Variants in SLC13A1 observed in about 807,000 individuals in gnomAD.
The protein encoded by SLC13A1 is Na(+)/sulfate cotransporter.
Under a neutral mutation model 70.0 loss-of-function variants are expected in SLC13A1, and 65 were observed. The observed-to-expected ratio is 0.93, with a 90% CI of 0.76 to 1.14. The LOEUF is 1.14. Among genes scored for constraint, SLC13A1 ranks in the 50% most tolerant of loss-of-function variants. The probability of loss-of-function intolerance (pLI) is 0.00; values close to 1 mark genes in which losing one functional copy is unlikely to be tolerated. For missense variants in SLC13A1, 726 were observed against 717.8 expected, an observed-to-expected ratio of 1.01 and a Z score of -0.13; for synonymous variants, 275 against 250.5, an observed-to-expected ratio of 1.10 and a Z score of -0.92.
intron 7 of SLC13A1, among the ~76,000 whole-genome samples, chr7:123,137,564 C>T (rs973258049): frequency 2.0e-5 from 3 of 152,098 alleles, no homozygotes; most frequent in African/African-American, 7.2e-5. Flanking sequence ...AGAGTGACCC[C>T]ATGCCAACAG....
chr7:123,115,560 G>C lies in SLC13A1; in HGVS notation c.1746C>G (p.Tyr582Ter), dbSNP rs767006611. 2.0e-5 allele frequency: 32 copies of C among 1,613,738 alleles called. No individual in the cohort carries two copies. In the East Asian group the frequency reaches 5.4e-4, roughly 27 times the overall value. The part of the protein sequence containing the change: ...WIVPMFDLYT[Y>*]PSWAPAMSNE... The stretch of plus-strand genomic sequence containing the variant: ...TACTCATAGCAGGAGCCCACGAAGG[G>C]TAAGTGTAGAGGTCAAACATGGGTA... The change falls in exon 15 of 15, where the codon TAC becomes TAG. Residue 582 changes from tyrosine (Y) to a stop codon, truncating the protein, a stop_gained. Coordinates refer to ENST00000194130, the MANE Select transcript of SLC13A1 (RefSeq NM_022444.4). LOFTEE classifies it high-confidence loss of function.
chr7:123,138,236 T>A (rs1794016123), intron 7 of SLC13A1, among the ~76,000 whole-genome samples: 1 of 152,224 alleles, frequency 6.6e-6, no homozygotes, highest in Non-Finnish European at 1.5e-5. Flanking sequence ...TTGTTGCAAA[T>A]GACAGGATCT....
At chr7:123,182,975 T>C (rs1184164742) in intron 1 of SLC13A1, among the ~76,000 whole-genome samples, 1 of 152,124 alleles carries the variant, frequency 6.6e-6, no homozygotes, top group Non-Finnish European at 1.5e-5. Context: ...ACATCAATTT[T>C]CTATATCCAA....
chr7:123,170,463 G>A (rs529967764), intron 3 of SLC13A1, among the ~76,000 whole-genome samples: 3 of 152,256 alleles, frequency 2.0e-5, no homozygotes, highest in African/African-American at 4.8e-5. Flanking sequence ...GCCACTTAGT[G>A]GCATAATGGA....
intron 7 of SLC13A1, among the ~76,000 whole-genome samples, chr7:123,141,174 T>A (rs1794125247): frequency 6.6e-6 from 1 of 152,148 alleles, no homozygotes; most frequent in Non-Finnish European, 1.5e-5. Context: ...GACCCAGTGG[T>A]CATTCAGGAG....
intron 12 of SLC13A1, 85 bp downstream of exon 12, chr7:123,123,041 G>T (rs1329912423): frequency 2.8e-6 from 3 of 1,086,272 alleles, no homozygotes; most frequent in Non-Finnish European, 4.2e-6. Context: ...GAGTGAAATT[G>T]AATATGCCCA....
Position 123,134,498 on chromosome 7 carries a change from C to G in SLC13A1, c.844G>C (p.Gly282Arg). The G allele has an allele frequency of 6.2e-7, 1 of 1,613,186 alleles. No individual in the cohort carries two copies. The highest frequency in any genetic ancestry group is 1.7e-4 in the Middle Eastern group (1 of 6,058). ...RYPDCRCLNF[G>R]SWFTFSFPAA... ...GGGAAGGAAAACGTAAACCATGATC[C>G]AAAGTTGAGGCAACGACAGTCAGGA... Residue 282 changes from glycine (G) to arginine (R), a missense_variant, in exon 8 of 15, where the codon GGA (glycine) becomes CGA (arginine). By Grantham distance (125) the Gly-to-Arg change is moderately radical. Transcript: ENST00000194130.
At chr7:123,118,678 A>G (rs1279583940) in intron 13 of SLC13A1, among the ~76,000 whole-genome samples, 1 of 152,142 alleles carries the variant, frequency 6.6e-6, no homozygotes, top group Non-Finnish European at 1.5e-5. Context: ...CAAATCACTT[A>G]TATGAACCAC....
At chr7:123,156,958 C>A (rs997392399) in intron 6 of SLC13A1, among the ~76,000 whole-genome samples, 3 of 152,064 alleles carry the variant, frequency 2.0e-5, no homozygotes, top group Non-Finnish European at 4.4e-5. Flanking sequence ...AAATCAATTT[C>A]TATGCTCTCT....
chr7:123,116,331 T>C (rs1025888501), intron 14 of SLC13A1, among the ~76,000 whole-genome samples: 2 of 152,232 alleles, frequency 1.3e-5, no homozygotes, highest in Admixed American at 1.3e-4. Context: ...TAAAGTTTTA[T>C]TGGACCACAA....
intron 1 of SLC13A1, among the ~76,000 whole-genome samples, chr7:123,196,924 A>G (rs1376000059): frequency 2.0e-5 from 3 of 152,184 alleles, no homozygotes; most frequent in African/African-American, 7.2e-5. Context: ...TTTCTAGAGC[A>G]TGTAGATGGC....
intron 2 of SLC13A1, 93 bp downstream of exon 2, chr7:123,180,880 C>T (rs556637352): frequency 2.1e-5 from 28 of 1,365,776 alleles, no homozygotes; most frequent in South Asian, 1.8e-4. Context: ...ACCTTACCAA[C>T]GAGATGATTG....
rs1793883305 is a variant in SLC13A1, at chr7:123,134,486, T to TA, written c.855dup (p.Thr286TyrfsTer28). ...ATAAGGGCAGCTGGGAAGGAAAACG[T>TA]AAACCATGATCCAAAGTTGAGGCAA... On this transcript the variant is annotated frameshift_variant, in exon 8 of 15. Transcript: ENST00000194130. LOFTEE classifies it high-confidence loss of function. 4 of 1,613,292 alleles carry TA rather than the reference T, an allele frequency of 2.5e-6. No individual in the cohort carries two copies. Among genetic ancestry groups the TA allele is most frequent in the Non-Finnish European group, 3.4e-6 (4 of 1,179,568 alleles).
At chr7:123,181,986 A>T (rs901015188) in intron 1 of SLC13A1, among the ~76,000 whole-genome samples, 2 of 152,128 alleles carry the variant, frequency 1.3e-5, no homozygotes, top group Admixed American at 6.6e-5. Context: ...CCTCAGGGTG[A>T]GTCCTTGGGG....
chr7:123,147,073 T>C (rs564972447), intron 7 of SLC13A1, 86 bp downstream of exon 7: 191 of 1,363,876 alleles, frequency 1.4e-4, no homozygotes, highest in Non-Finnish European at 1.8e-4. Context: ...ATCTCTGTAC[T>C]TGAATTCTCT....
intron 14 of SLC13A1, 107 bp downstream of exon 14, chr7:123,117,364 C>T: frequency 8.8e-7 from 1 of 1,139,198 alleles, no homozygotes; most frequent in Non-Finnish European, 1.3e-6. Context: ...AATTCAGGCC[C>T]TGCTTTTCCT....
In SLC13A1 at chr7:123,115,554, C is replaced by T. The variant is rs150844958; in HGVS notation, c.1752G>A (p.Ser584=). The T allele has an allele frequency of 1.2e-4, 194 of 1,613,132 alleles. No homozygotes were observed. The highest frequency in any genetic ancestry group is 3.8e-4 in the South Asian group (35 of 90,990). ...TCTCATTACTCATAGCAGGAGCCCA[C>T]GAAGGGTAAGTGTAGAGGTCAAACA... ...VPMFDLYTYP[S]WAPAMSNETM... Residue 584 remains serine, a synonymous_variant, in exon 15 of 15, where the codon TCG becomes TCA. Transcript: ENST00000194130.
At chr7:123,141,502 T>C (rs1794141855) in intron 7 of SLC13A1, among the ~76,000 whole-genome samples, 2 of 152,102 alleles carry the variant, frequency 1.3e-5, no homozygotes. Context: ...ATGCTGAAGG[T>C]GGGGTGTTGA....
At chr7:123,179,102 GA>G (rs2116605192) in intron 2 of SLC13A1, among the ~76,000 whole-genome samples, 1 of 152,146 alleles carries the variant, frequency 6.6e-6, no homozygotes, top group African/African-American at 2.4e-5. Flanking sequence ...TTGAGGTCTG[GA>G]AACCACTAAG....
Sources: allele counts gnomAD v4.1 joint callset (sites outside exome capture counted in the v4.1 genomes callset), GRCh38; gene constraint gnomAD v4.1.1; transcripts MANE v1.5; gene names NCBI Gene and HGNC (gene_info 2026-07-23, HGNC 2026-07-21).